IFT172: variants seen among roughly 807,000 people sequenced by gnomAD.
The protein encoded by IFT172 is intraflagellar transport 172.
IFT172 carries 164 observed loss-of-function variants against 248.9 expected under a neutral mutation model. The observed-to-expected ratio is 0.66, with a 90% CI of 0.58 to 0.75. The LOEUF is 0.75. IFT172 is among the 30% of genes least tolerant of loss of function. IFT172 has a pLI of 0.00. For synonymous variants in IFT172, 729 were observed against 791.6 expected, an observed-to-expected ratio of 0.92 and a Z score of 1.33; for missense variants, 1,950 against 2,192.4, an observed-to-expected ratio of 0.89 and a Z score of 2.21.
In IFT172 at chr2:27,463,088, A is replaced by C; in HGVS notation, c.2022+9T>G. On this transcript the variant is annotated intron_variant, in intron 19 of 47. Transcript: ENST00000260570. ...GACAGACAGAATGAATCAGGAGCAT[A>C]ATACTTGCATATTCCCGGGATACTT... is the stretch of plus-strand genomic sequence containing the variant. The C allele has an allele frequency of 1.2e-6, 2 of 1,613,236 alleles. No individual in the cohort carries two copies. The highest frequency in any genetic ancestry group is 1.7e-6 in the Non-Finnish European group (2 of 1,179,188).
At chr2:27,484,023 A>C in intron 4 of IFT172, 86 bp from the exon 5 acceptor site, 2 of 1,312,962 alleles carry the variant, frequency 1.5e-6, no homozygotes, top group Non-Finnish European at 2.2e-6. Context: ...ACCACACACC[A>C]CCACCTCAAT....
chr2:27,461,260 C>A lies in IFT172; in HGVS notation c.2442+9G>T. 1.2e-6 allele frequency: 2 copies of A among 1,613,600 alleles called. No individual in the cohort carries two copies. The highest frequency in any genetic ancestry group is 2.2e-5 in the South Asian group (2 of 91,086). ...GGAGATAAGGGCTAGGAAAAGGAAGCCAGCATACCCTTTCGTAGAGTTCCC... is the reference window on the plus strand; with the variant it reads ...GGAGATAAGGGCTAGGAAAAGGAAGACAGCATACCCTTTCGTAGAGTTCCC... On this transcript the variant is annotated intron_variant, in intron 22 of 47. Transcript: ENST00000260570.
Position 27,483,271 on chromosome 2 carries a change from A to G in IFT172, c.570+18T>C, listed in dbSNP as rs1668515673. 1 of 1,433,958 alleles carries G rather than the reference A, an allele frequency of 7.0e-7. No individual in the cohort carries two copies. Among genetic ancestry groups the G allele is most frequent in the Non-Finnish European group, 9.8e-7 (1 of 1,015,862 alleles). The allele number at this position is 1,433,958 out of a possible 1,614,324, so 88.8% of individuals were successfully genotyped here. On this transcript the variant is annotated intron_variant, in intron 7 of 47. Transcript: ENST00000260570. ...GACTCAAGCAATCCAAGCCTCCCAC[A>G]ACATTCTTTATTCATACCTGTGACT...
chr2:27,479,695 A>C, intron 9 of IFT172, 91 bp from the exon 10 acceptor site: 1 of 877,458 alleles, frequency 1.1e-6, no homozygotes, highest in African/African-American at 1.6e-5. Context: ...CCTAAGCTCT[A>C]GAGTCTAGAG....
chr2:27,488,720 C>T (rs948449196), intron 1 of IFT172, among the ~76,000 whole-genome samples: 6 of 152,132 alleles, frequency 3.9e-5, no homozygotes, highest in African/African-American at 1.4e-4. Context: ...GCTATTAGTA[C>T]TCATGTTTTT....
chr2:27,470,786 A>G (rs531770988), intron 16 of IFT172, 142 bp downstream of exon 16: 845 of 757,408 alleles, frequency 1.1e-3, no homozygotes, highest in Non-Finnish European at 1.4e-3. Flanking sequence ...GGGCTGGTCC[A>G]TAAGTCTAAG....
Position 27,454,077 on chromosome 2 carries a change from G to C in IFT172, c.3616C>G (p.Gln1206Glu), listed in dbSNP as rs1313893050. ...TTCTCCTCCAAGGCCCCCCGGGCCTGTCCCACAAGCACCTCGGCGACACTG... is the reference window on the plus strand; with the variant it reads ...TTCTCCTCCAAGGCCCCCCGGGCCTCTCCCACAAGCACCTCGGCGACACTG... ...PDSVAEVLVGQARGALEEKDF... is the reference protein window; with the variant it reads ...PDSVAEVLVGEARGALEEKDF... The change falls in exon 33 of 48, where the codon CAG (glutamine) becomes GAG (glutamate). Residue 1206 changes from glutamine to glutamate, a missense_variant. Physicochemically the swap from Gln to Glu is conservative, Grantham distance 29. Coordinates refer to ENST00000260570, the MANE Select transcript of IFT172 (RefSeq NM_015662.3). This position sits in a 1 kb window ranked among gnomAD's most constrained non-coding sequence, Gnocchi z 4.2. 1 of 1,614,098 alleles carries C rather than the reference G, an allele frequency of 6.2e-7. No homozygotes were observed. Among genetic ancestry groups the C allele is most frequent in the East Asian group, 2.2e-5 (1 of 44,872 alleles).
chr2:27,465,610 G>A (rs150609696), intron 17 of IFT172, 92 bp from the exon 18 acceptor site: 1 of 1,529,300 alleles, frequency 6.5e-7, no homozygotes, highest in Admixed American at 1.7e-5. Context: ...GAGGGGGAAG[G>A]GCCATCTTTG....
rs61747073 is a variant in IFT172, at chr2:27,459,442, C to T, written c.2723G>A (p.Arg908Gln). 0.017 allele frequency: 27,965 copies of T among 1,614,152 alleles called. 276 individuals carry two copies. The highest frequency in any genetic ancestry group is 0.02 in the Non-Finnish European group (24,171 of 1,180,028). The change falls in exon 25 of 48, where the codon CGG (arginine) becomes CAG (glutamine). Residue 908 changes from arginine to glutamine, a missense_variant. By Grantham distance (43) the Arg-to-Gln change is conservative (BLOSUM62 1). This residue lies in a region of IFT172 where 1,166 missense variants were observed against 1,254.1 expected (regional missense o/e 0.93). Coordinates refer to ENST00000260570, the MANE Select transcript of IFT172 (RefSeq NM_015662.3). Reference sequence around the variant, plus strand: ...AGGATAGTATTTGGATGCAGTGTTCCGGTCCTGTAGATCTAATATATAAAT... The same window carrying T: ...AGGATAGTATTTGGATGCAGTGTTCTGGTCCTGTAGATCTAATATATAAAT... ...KAIYILDLQD[R>Q]NTASKYYPLV...
intron 3 of IFT172, among the ~76,000 whole-genome samples, chr2:27,484,662 A>C (rs569966669): frequency 2.4e-4 from 37 of 152,316 alleles, no homozygotes; most frequent in African/African-American, 8.4e-4. Context: ...AAGAGAAGAA[A>C]GAGCAGATTT....
Position 27,445,410 on chromosome 2 carries a change from C to T in IFT172, c.4954G>A (p.Val1652Ile). The T allele has an allele frequency of 6.2e-7, 1 of 1,612,528 alleles. No individual in the cohort carries two copies. ...REEVRDWVLT[V>I]SMDQRLEQVL... ...TGCTCCAGCCGCTGGTCCATGGAGA[C>T]TGTAAGCACCCAGTCTCGAACCTCT... Residue 1652 changes from valine (V) to isoleucine (I), a missense_variant, in exon 46 of 48, where the codon GTC (valine) becomes ATC (isoleucine). Physicochemically the swap from Val to Ile is conservative, Grantham distance 29. Coordinates refer to ENST00000260570, the MANE Select transcript of IFT172 (RefSeq NM_015662.3). This position sits in a 1 kb window ranked among gnomAD's most constrained non-coding sequence, Gnocchi z 4.4.
At chr2:27,488,837 G>T (rs1251675483) in intron 1 of IFT172, among the ~76,000 whole-genome samples, 1 of 152,114 alleles carries the variant, frequency 6.6e-6, no homozygotes, top group Admixed American at 6.6e-5. Context: ...TGGGCAACAT[G>T]GGGAAACCTC....
In IFT172 at chr2:27,445,487, G is replaced by T. The variant is rs1664987638; in HGVS notation, c.4915-38C>A. 6.3e-7 allele frequency: 1 copy of T among 1,591,200 alleles called. No homozygotes were observed. Among genetic ancestry groups the T allele is most frequent in the East Asian group, 2.2e-5 (1 of 44,520 alleles). On this transcript the variant is annotated intron_variant, in intron 45 of 47. Coordinates refer to ENST00000260570, the MANE Select transcript of IFT172 (RefSeq NM_015662.3). The surrounding 1 kb of genome is among the most constrained non-coding windows in gnomAD (Gnocchi z 4.4). ...AGAAGGGAGTGGTAGCTTCACACAG[G>T]GCAGGGCAGGACAAGTTGGGGTGGA...
intron 1 of IFT172, among the ~76,000 whole-genome samples, chr2:27,487,092 G>A (rs759506235): frequency 6.6e-6 from 1 of 151,988 alleles, no homozygotes; most frequent in Non-Finnish European, 1.5e-5. Flanking sequence ...ATAGGCGTGT[G>A]CTACCATGCC....
chr2:27,465,825 C>G lies in IFT172; in HGVS notation c.1750G>C (p.Gly584Arg). 1 of 1,614,060 alleles carries G rather than the reference C, an allele frequency of 6.2e-7. No homozygotes were observed. Among genetic ancestry groups the G allele is most frequent in the Non-Finnish European group, 8.5e-7 (1 of 1,179,982 alleles). Reference sequence around the variant, plus strand: ...AATGTGTAGGCAACAGTAGTCACACCTTCCATCACCATCACCTCGGTCTTT... The same window carrying G: ...AATGTGTAGGCAACAGTAGTCACACGTTCCATCACCATCACCTCGGTCTTT... ...GGKTEVMVME[G>R]VTTVAYTLDE... is the part of the protein sequence containing the mutation. The change falls in exon 17 of 48, where the codon GGT becomes CGT. Residue 584 changes from glycine to arginine, a missense_variant. Gly to Arg is a moderately radical substitution (Grantham distance 125). Around this residue, in one of 3 missense-constraint regions of IFT172, gnomAD observed 1,166 missense variants for 1,254.1 expected, o/e 0.93. Transcript: ENST00000260570.
Position 27,445,295 on chromosome 2 carries a change from C to T in IFT172, c.5068+1G>A. 1 of 1,610,602 alleles carries T rather than the reference C, an allele frequency of 6.2e-7. No individual in the cohort carries two copies. Among genetic ancestry groups the T allele is most frequent in the Non-Finnish European group, 8.5e-7 (1 of 1,177,934 alleles). On this transcript the variant is annotated splice_donor_variant, in intron 46 of 47. Coordinates refer to ENST00000260570, the MANE Select transcript of IFT172 (RefSeq NM_015662.3). LOFTEE classifies it high-confidence loss of function. This position sits in a 1 kb window ranked among gnomAD's most constrained non-coding sequence, Gnocchi z 4.4. ...ATCTGGGGTGCTGTAGGCTTCTATA[C>T]CTGTAATAAGGCAGGGCAGGGCTCG... is the stretch of plus-strand genomic sequence containing the variant.
chr2:27,476,252 T>C (rs570982214), intron 14 of IFT172, among the ~76,000 whole-genome samples: 1 of 152,136 alleles, frequency 6.6e-6, no homozygotes, highest in African/African-American at 2.4e-5. Flanking sequence ...TGAATAATTA[T>C]ATGGACCTCT....
chr2:27,469,279 G>C (rs1175978292), intron 16 of IFT172, among the ~76,000 whole-genome samples: 1 of 152,094 alleles, frequency 6.6e-6, no homozygotes, highest in Non-Finnish European at 1.5e-5. Context: ...TGTAATCCCA[G>C]CTTCTCAGGA....
At chr2:27,463,601 ATTC>A (rs1308872160) in intron 18 of IFT172, among the ~76,000 whole-genome samples, 2 of 148,446 alleles carry the variant, frequency 1.3e-5, no homozygotes, top group African/African-American at 5.0e-5. Context: ...GCCCAAGATA[ATTC>A]TTCTTCCGAT....
Sources: gnomAD v4.1 joint callset for allele counts (sites outside exome capture counted in the v4.1 genomes callset) on GRCh38, gnomAD v4.1.1 for gene constraint, gnomAD v4.1.1 regional missense constraint, Gnocchi (gnomAD v3.1) non-coding constraint, MANE v1.5 for transcripts, NCBI Gene and HGNC (gene_info 2026-07-23, HGNC 2026-07-21) for gene names.